COL11A1: variants seen among roughly 807,000 people sequenced by gnomAD.
COL11A1 encodes the protein collagen alpha-1(XI) chain.
COL11A1 carries 74 observed loss-of-function variants against 265.2 expected under a neutral mutation model. The ratio of observed to expected loss-of-function variants is 0.28; its 90% CI spans 0.23 to 0.34. The LOEUF (loss-of-function observed/expected upper bound fraction) is 0.34. Ranked by LOEUF, COL11A1 falls within the 10% of genes least tolerant of loss-of-function variation. The pLI is 1.00. For missense variants in COL11A1, 2,165 were observed against 2,263.6 expected, an observed-to-expected ratio of 0.96 and a Z score of 0.88; for synonymous variants, 816 against 727.6, an observed-to-expected ratio of 1.12 and a Z score of -1.96.
intron 8 of COL11A1, 47 bp downstream of exon 8, chr1:103,022,695 T>C (rs1166344686): frequency 6.2e-7 from 1 of 1,609,864 alleles, no homozygotes; most frequent in Non-Finnish European, 8.5e-7. Context: ...CATAAAAATA[T>C]CCCATAAATA....
At chr1:103,049,263 C>T (rs185414537) in intron 4 of COL11A1, among the ~76,000 whole-genome samples, 50 of 152,232 alleles carry the variant, frequency 3.3e-4, no homozygotes, top group Admixed American at 2.5e-3. Flanking sequence ...TAAGGACTTC[C>T]TTTATGAATC....
At chr1:102,915,445 A>T (rs573422305) in intron 50 of COL11A1, among the ~76,000 whole-genome samples, 186 bp downstream of exon 50, 1 of 152,336 alleles carries the variant, frequency 6.6e-6, no homozygotes, top group African/African-American at 2.4e-5. Flanking sequence ...CAATTTGTTT[A>T]TCAATCCACA....
At position 103,031,129 on chromosome 1, in the gene COL11A1, G is replaced by C. The variant is rs1045561209; in HGVS notation, c.767C>G (p.Pro256Arg). ...TGTGCTCCTCACCTCATCTATCTGA[G>C]GTTCCTGAGCTTGAGCAGCCTTGGG... ...SAPKAAQAQE[P>R]QIDEYAPEDI... The change falls in exon 5 of 67, where the codon CCT (proline) becomes CGT (arginine). Residue 256 changes from proline to arginine, a missense_variant. Physicochemically the swap from Pro to Arg is moderately radical, Grantham distance 103. Coordinates refer to ENST00000370096, the MANE Select transcript of COL11A1 (RefSeq NM_001854.4). The C allele has an allele frequency of 6.2e-7, 1 of 1,613,252 alleles. No homozygotes were observed. The highest frequency in any genetic ancestry group is 8.5e-7 in the Non-Finnish European group (1 of 1,179,616).
chr1:102,993,669 C>A (rs756221815), intron 28 of COL11A1, among the ~76,000 whole-genome samples: 15 of 152,140 alleles, frequency 9.9e-5, no homozygotes, highest in Non-Finnish European at 1.9e-4. Context: ...TCCCAAGTAG[C>A]TGGGACCACA....
At chr1:102,892,080 G>A (rs567937134) in intron 57 of COL11A1, among the ~76,000 whole-genome samples, 4 of 152,058 alleles carry the variant, frequency 2.6e-5, no homozygotes, top group Admixed American at 6.6e-5. Flanking sequence ...TTAGGGCCAC[G>A]ATAACCTAGA....
chr1:103,041,748 T>A (rs1668826614), intron 4 of COL11A1, among the ~76,000 whole-genome samples: 1 of 152,040 alleles, frequency 6.6e-6, no homozygotes, highest in South Asian at 2.1e-4. Flanking sequence ...AAAACCTGTT[T>A]CCTCTACAAA....
intron 57 of COL11A1, 147 bp from the exon 58 acceptor site, chr1:102,890,651 C>A (rs1651650870): frequency 1.7e-6 from 1 of 578,526 alleles, no homozygotes; most frequent in African/African-American, 1.9e-5. Flanking sequence ...TTTAAGGCTT[C>A]TAAGTAAATT....
rs931498978 is a variant in COL11A1 at position 103,009,037 on chromosome 1, G to A, written c.1630-521C>T. ...ACTATTATAATTGCCGTGAAATAGT[G>A]TTAACACATTTTTCCCAGGTTGGTT... On this transcript the variant is annotated intron_variant, in intron 14 of 66. Transcript: ENST00000370096. Among the ~76,000 whole-genome samples, 3 of 152,192 alleles carry A rather than the reference G, an allele frequency of 2.0e-5. No homozygotes were observed. In the East Asian group the frequency reaches 5.8e-4, roughly 29 times the overall value.
intron 1 of COL11A1, among the ~76,000 whole-genome samples, chr1:103,092,257 A>C (rs568583840): frequency 2.6e-5 from 4 of 152,252 alleles, no homozygotes; most frequent in East Asian, 3.9e-4. Flanking sequence ...TCAATACATA[A>C]ATTTAAAACA....
intron 57 of COL11A1, 120 bp from the exon 58 acceptor site, chr1:102,890,624 A>G: frequency 1.5e-6 from 1 of 674,222 alleles, no homozygotes; most frequent in Non-Finnish European, 2.5e-6. Context: ...AATAGTAATG[A>G]TTAATGTTGC....
intron 18 of COL11A1, 124 bp downstream of exon 18, chr1:103,005,714 G>C (rs1004383860): frequency 1.8e-6 from 2 of 1,086,050 alleles, no homozygotes; most frequent in African/African-American, 3.1e-5. Flanking sequence ...GTATCTATTA[G>C]ATTATTAAGT....
intron 4 of COL11A1, among the ~76,000 whole-genome samples, chr1:103,053,120 C>T (rs187723567): frequency 2.0e-5 from 3 of 152,092 alleles, no homozygotes; most frequent in Non-Finnish European, 4.4e-5. Flanking sequence ...AATCCAATGA[C>T]GCACTAATCA....
chr1:103,049,272 T>C (rs1266916191), intron 4 of COL11A1, among the ~76,000 whole-genome samples: 1 of 152,190 alleles, frequency 6.6e-6, no homozygotes, highest in Non-Finnish European at 1.5e-5. Flanking sequence ...CCTTTATGAA[T>C]CTGGGTGCTC....
chr1:103,004,462 T>A lies in COL11A1; in HGVS notation c.1926A>T (p.Arg642Ser), dbSNP rs142506188. 6.2e-7 allele frequency: 1 copy of A among 1,611,992 alleles called. No homozygotes were observed. Among genetic ancestry groups the A allele is most frequent in the South Asian group, 1.1e-5 (1 of 90,896 alleles). Reference protein sequence around the residue: ...MRGEDGEIGPRGLPGEAGPRG... With the variant: ...MRGEDGEIGPSGLPGEAGPRG... ...TGCTTACAGCTTCACCTGGAAGACC[T>A]CTTGGTCCAATTTCTCCATCTTCTC... is the stretch of plus-strand genomic sequence containing the variant. The change falls in exon 20 of 67, where the codon AGA becomes AGT. Residue 642 changes from arginine to serine, a missense_variant. Coordinates refer to ENST00000370096, the MANE Select transcript of COL11A1 (RefSeq NM_001854.4).
chr1:102,958,430 A>G (rs1490387652), intron 41 of COL11A1, among the ~76,000 whole-genome samples: 1 of 152,122 alleles, frequency 6.6e-6, no homozygotes, highest in Non-Finnish European at 1.5e-5. Flanking sequence ...ACATCTAGAA[A>G]ACCATCCAGT....
At position 103,052,545 on chromosome 1, in the gene COL11A1, T is replaced by C. The variant is rs186843264; in HGVS notation, c.652-21301A>G. ...CTTGAATATTTTTATGTCTTTATTA[T>C]GTAACACAAGTCTTTTATTACAACT... On this transcript the variant is annotated intron_variant, in intron 4 of 66. Transcript: ENST00000370096. Among the ~76,000 whole-genome samples, 214 of 152,336 alleles carry C rather than the reference T, an allele frequency of 1.4e-3. 2 individuals are homozygous for C. Among genetic ancestry groups the C allele is most frequent in the Non-Finnish European group, 2.2e-3 (147 of 68,022 alleles).
chr1:103,025,846 T>C (rs752050977), intron 6 of COL11A1: 6 of 1,613,664 alleles, frequency 3.7e-6, no homozygotes, highest in Non-Finnish European at 5.1e-6. Context: ...ACTTTTCTTC[T>C]TCTTGGATGA....
intron 21 of COL11A1, 48 bp downstream of exon 21, chr1:103,003,167 G>A (rs1387291968): frequency 1.3e-6 from 2 of 1,598,442 alleles, no homozygotes; most frequent in Non-Finnish European, 1.7e-6. Flanking sequence ...TAAAAGGTTG[G>A]CAACAAGCTT....
intron 63 of COL11A1, among the ~76,000 whole-genome samples, chr1:102,886,327 C>A (rs939594782): frequency 1.3e-5 from 2 of 152,162 alleles, no homozygotes; most frequent in Non-Finnish European, 2.9e-5. Flanking sequence ...TTGCCCCAAG[C>A]TATCCCAGTT....
Sources: gnomAD v4.1 joint callset for allele counts (sites outside exome capture counted in the v4.1 genomes callset) on GRCh38, gnomAD v4.1.1 for gene constraint, MANE v1.5 for transcripts, NCBI Gene and HGNC (gene_info 2026-07-23, HGNC 2026-07-21) for gene names.